RTN2: variants seen among roughly 807,000 people sequenced by gnomAD.
RTN2 encodes reticulon-2.
RTN2 carries 36 observed loss-of-function variants against 63.7 expected under a neutral mutation model. That is an observed-to-expected ratio of 0.56 (90% CI 0.43 to 0.75). The LOEUF is 0.75. Among genes scored for constraint, RTN2 ranks in the 30% least tolerant of loss-of-function variants. The pLI is 0.00. For synonymous variants in RTN2, 312 were observed against 313.0 expected, an observed-to-expected ratio of 1.00 and a Z score of 0.03; for missense variants, 673 against 705.1, an observed-to-expected ratio of 0.95 and a Z score of 0.52.
At position 45,493,370 on chromosome 19, in the gene RTN2, T is replaced by C. The variant is rs201276909; in HGVS notation, c.823A>G (p.Met275Val). 4 of 1,606,462 alleles carry C rather than the reference T, an allele frequency of 2.5e-6. No individual in the cohort carries two copies. The East Asian group carries it at 6.7e-5, about 27-fold the overall frequency. The stretch of plus-strand genomic sequence containing the variant: ...AGCAATGATGTCTTTAACCATTCCA[T>C]AGCTGTTCCTGGAGGCGGAGCATAT... ...TVEPRLLGTA[M>V]EWLKTSLLLA... The change falls in exon 5 of 11, where the codon ATG (methionine) becomes GTG (valine). Residue 275 changes from methionine (M) to valine (V), a missense_variant. Coordinates refer to ENST00000245923, the MANE Select transcript of RTN2 (RefSeq NM_005619.5).
intron 5 of RTN2, among the ~76,000 whole-genome samples, chr19:45,490,869 G>A (rs1241506180): frequency 2.0e-5 from 3 of 150,534 alleles, no homozygotes; most frequent in African/African-American, 7.3e-5. Flanking sequence ...GAGACACCAC[G>A]CCTGACCTTG....
intron 9 of RTN2, among the ~76,000 whole-genome samples, chr19:45,488,224 G>A (rs1326735395): frequency 6.6e-6 from 1 of 152,228 alleles, no homozygotes; most frequent in Admixed American, 6.5e-5. Flanking sequence ...CTGCACTCCA[G>A]CCTGGGCAAC....
chr19:45,488,185 G>A (rs1422546788), intron 9 of RTN2, among the ~76,000 whole-genome samples: 2 of 149,046 alleles, frequency 1.3e-5, no homozygotes, highest in Admixed American at 1.3e-4. Flanking sequence ...CCCAGGAAAC[G>A]GAGGTTGCAG....
chr19:45,495,274 G>A, intron 1 of RTN2, 135 bp from the exon 2 acceptor site: 1 of 979,232 alleles, frequency 1.0e-6, no homozygotes, highest in Non-Finnish European at 1.6e-6. Flanking sequence ...CTAAAACCTA[G>A]CATCACTGCC....
Position 45,488,969 on chromosome 19 carries a change from T to A in RTN2, c.1259A>T (p.Asp420Val). The A allele has an allele frequency of 6.2e-7, 1 of 1,611,566 alleles. No homozygotes were observed. Among genetic ancestry groups the A allele is most frequent in the Non-Finnish European group, 8.5e-7 (1 of 1,179,076 alleles). Residue 420 changes from aspartate to valine, a missense_variant, in exon 7 of 11, where the codon GAC becomes GTC. Coordinates refer to ENST00000245923, the MANE Select transcript of RTN2 (RefSeq NM_005619.5). ...ANPFQAYLDVDLTLTREQTER... is the reference protein window; with the variant it reads ...ANPFQAYLDVVLTLTREQTER... The stretch of plus-strand genomic sequence containing the variant: ...CGTCTGCTCCCGAGTCAGGGTGAGG[T>A]CCACATCCAGGTAGGCCCTGCGGGG...
intron 1 of RTN2, 71 bp from the exon 2 acceptor site, chr19:45,495,210 G>T: frequency 6.4e-7 from 1 of 1,552,220 alleles, no homozygotes; most frequent in East Asian, 2.3e-5. Flanking sequence ...TCCCAGTCCT[G>T]GAATCTTAGA....
At chr19:45,491,856 TG>T (rs141582238) in intron 5 of RTN2, among the ~76,000 whole-genome samples, 15,005 of 151,906 alleles carry the variant, frequency 0.099, 846 homozygotes, top group East Asian at 0.2. Flanking sequence ...GTTGAATTCC[TG>T]GCTTCAAGTG....
rs1204434898 is a variant in RTN2 at position 45,493,231 on chromosome 19, A to G, written c.962T>C (p.Leu321Pro). 2 of 1,613,824 alleles carry G rather than the reference A, an allele frequency of 1.2e-6. No individual in the cohort carries two copies. Among genetic ancestry groups the G allele is most frequent in the African/African-American group, 1.3e-5 (1 of 75,028 alleles). Residue 321 changes from leucine (L) to proline (P), a missense_variant, in exon 5 of 11, where the codon CTG (leucine) becomes CCG (proline). Leu to Pro is a moderately conservative substitution (Grantham distance 98, BLOSUM62 -3). Coordinates refer to ENST00000245923, the MANE Select transcript of RTN2 (RefSeq NM_005619.5). ...TPPTPVLRVLLKWAKSPRSSG... is the reference protein window; with the variant it reads ...TPPTPVLRVLPKWAKSPRSSG... Reference sequence around the variant, plus strand: ...GCTTCTCGGGGATTTTGCCCACTTCAGTAGAACCCGGAGGACAGGAGTAGG... The same window carrying G: ...GCTTCTCGGGGATTTTGCCCACTTCGGTAGAACCCGGAGGACAGGAGTAGG...
chr19:45,488,109 C>T (rs761582441), intron 9 of RTN2, among the ~76,000 whole-genome samples: 5 of 152,090 alleles, frequency 3.3e-5, no homozygotes, highest in African/African-American at 7.2e-5. Flanking sequence ...AAAAATTAGC[C>T]GGGCACGGTG....
rs1438943382 is a variant in RTN2, at chr19:45,485,545, C to A, written c.*163G>T. On this transcript the variant is annotated 3_prime_UTR_variant, in exon 11 of 11. Coordinates refer to ENST00000245923, the MANE Select transcript of RTN2 (RefSeq NM_005619.5). ...GCCTCTTGGGAAATGTAGTCCTGGT[C>A]GCTCAGGTAATTAGCGCAGAGTCCC... 1.6e-4 allele frequency: 98 copies of A among 618,586 alleles called. No homozygotes were observed. 38.3% of individuals were successfully genotyped at this position (618,586 alleles called of 1,614,324 possible).
chr19:45,493,490 C>T, intron 4 of RTN2, 112 bp from the exon 5 acceptor site: 1 of 780,398 alleles, frequency 1.3e-6, no homozygotes, highest in South Asian at 1.6e-5. Flanking sequence ...GATCGAGTCT[C>T]CCTATGTTGC....
Position 45,488,525 on chromosome 19 carries a change from T to A in RTN2, c.1451-8A>T, listed in dbSNP as rs1463376227. ...TGAATAGACCAATCACTCCTGTGGGTACAGAGATGGGGGCGTCAGGGTGTT... is the reference window on the plus strand; with the variant it reads ...TGAATAGACCAATCACTCCTGTGGGAACAGAGATGGGGGCGTCAGGGTGTT... On this transcript the variant is annotated splice_polypyrimidine_tract_variant and splice_region_variant and intron_variant, in intron 8 of 10. Coordinates refer to ENST00000245923, the MANE Select transcript of RTN2 (RefSeq NM_005619.5). 1 of 1,613,964 alleles carries A rather than the reference T, an allele frequency of 6.2e-7. No homozygotes were observed.
Position 45,495,008 on chromosome 19 carries a change from G to A in RTN2, c.80-3C>T. On this transcript the variant is annotated splice_region_variant and splice_polypyrimidine_tract_variant and intron_variant, in intron 2 of 10. Coordinates refer to ENST00000245923, the MANE Select transcript of RTN2 (RefSeq NM_005619.5). ...AAAATCAGAGTCGTCGTTCCCTCCT[G>A]CAGTGGGTGAAGGAGAGCCTTGTTT... 6.2e-7 allele frequency: 1 copy of A among 1,613,998 alleles called. No individual in the cohort carries two copies. Among genetic ancestry groups the A allele is most frequent in the Non-Finnish European group, 8.5e-7 (1 of 1,179,920 alleles).
Position 45,488,854 on chromosome 19 carries a change from G to T in RTN2, c.1374C>A (p.Ser458=). 6.2e-7 allele frequency: 1 copy of T among 1,602,300 alleles called. No individual in the cohort carries two copies. The change falls in exon 7 of 11, where the codon TCC becomes TCA. Residue 458 remains serine, a synonymous_variant. Coordinates refer to ENST00000245923, the MANE Select transcript of RTN2 (RefSeq NM_005619.5). ...HFFLVEDLVD[S]LKLALLFYIL... is the part of the protein sequence containing the mutation. ...GCTGAGAGCTCCAGGCCACCTTGAG[G>T]GAATCCACGAGGTCTTCTACCAGGA... is the stretch of plus-strand genomic sequence containing the variant.
chr19:45,491,017 G>T (rs533996379), intron 5 of RTN2, among the ~76,000 whole-genome samples: 1 of 151,846 alleles, frequency 6.6e-6, no homozygotes, highest in South Asian at 2.1e-4. Flanking sequence ...CTCCCGAGTA[G>T]CTGGGATTAC....
intron 7 of RTN2, 44 bp from the exon 8 acceptor site, chr19:45,488,750 C>A: frequency 6.2e-7 from 1 of 1,605,322 alleles, no homozygotes; most frequent in Non-Finnish European, 8.5e-7. Context: ...CGGGAATTCC[C>A]TCTCATGCTG....
At chr19:45,489,578 G>GTACAAGCCCTGAT in intron 5 of RTN2, 25 bp from the exon 6 acceptor site, 1 of 1,552,162 alleles carries the variant, frequency 6.4e-7, no homozygotes, top group Non-Finnish European at 8.7e-7. Flanking sequence ...GGGGCATCAG[G>GTACAAGCCCTGAT]GCTTGTACCT....
At position 45,485,438 on chromosome 19, in the gene RTN2, G is replaced by A. The variant is rs527298509; in HGVS notation, c.*270C>T. The A allele has an allele frequency of 2.4e-5, 12 of 502,474 alleles. No individual in the cohort carries two copies. In the East Asian group the frequency reaches 4.0e-4, roughly 17 times the overall value. The allele number at this position is 502,474 out of a possible 1,614,324, so 31.1% of individuals were successfully genotyped here. On this transcript the variant is annotated 3_prime_UTR_variant, in exon 11 of 11. Coordinates refer to ENST00000245923, the MANE Select transcript of RTN2 (RefSeq NM_005619.5). The stretch of plus-strand genomic sequence containing the variant: ...CCAGCGGCGGGTCCGGAAGTGCAGG[G>A]TGGTGCCCTGTCTAGGCAACTACAA...
chr19:45,493,157 C>T lies in RTN2; in HGVS notation c.1033+3G>A. 6.2e-7 allele frequency: 1 copy of T among 1,611,322 alleles called. No individual in the cohort carries two copies. The highest frequency in any genetic ancestry group is 8.5e-7 in the Non-Finnish European group (1 of 1,179,716). On this transcript the variant is annotated splice_donor_region_variant and intron_variant, in intron 5 of 10. Coordinates refer to ENST00000245923, the MANE Select transcript of RTN2 (RefSeq NM_005619.5). ...CCCCGTCCAGCCCGTTCCGCAAGCC[C>T]ACCTTTACTCCCCATATCGGCTCCG... is the stretch of plus-strand genomic sequence containing the variant.
Sources: allele counts gnomAD v4.1 joint callset (sites outside exome capture counted in the v4.1 genomes callset), GRCh38; gene constraint gnomAD v4.1.1; transcripts MANE v1.5; gene names NCBI Gene and HGNC (gene_info 2026-07-23, HGNC 2026-07-21).